GTF2IRD2B: variants seen among roughly 807,000 people sequenced by gnomAD.
GTF2IRD2B encodes GTF2I repeat domain containing 2B.
GTF2IRD2B carries 10 observed loss-of-function variants against 55.6 expected under a neutral mutation model. That is an observed-to-expected ratio of 0.18 (90% CI 0.11 to 0.31). GTF2IRD2B has a LOEUF of 0.31. GTF2IRD2B is among the 10% of genes least tolerant of loss of function. The pLI is 1.00. For synonymous variants in GTF2IRD2B, 107 were observed against 320.5 expected (o/e 0.33, Z 7.12); for missense variants, 206 against 802.7 (o/e 0.26, Z 8.98).
intron 3 of GTF2IRD2B, among the ~76,000 whole-genome samples, chr7:75,114,276 T>A (rs1808069374): frequency 6.6e-6 from 1 of 151,614 alleles, no homozygotes; most frequent in South Asian, 2.1e-4. Context: ...AATTCATTAA[T>A]GTCAGATGCC....
At chr7:75,124,166 G>A (rs1390281784) in intron 6 of GTF2IRD2B, among the ~76,000 whole-genome samples, 12 of 151,684 alleles carry the variant, frequency 7.9e-5, no homozygotes, top group Non-Finnish European at 1.0e-4. Context: ...TCAGGAGTTC[G>A]AGACCAGCCT....
At chr7:75,130,431 G>A (rs1475363433) in intron 8 of GTF2IRD2B, among the ~76,000 whole-genome samples, 14 of 111,862 alleles carry the variant, frequency 1.3e-4, no homozygotes, top group Admixed American at 5.6e-4. Context: ...CACCCTCCTC[G>A]GCCTCCCAAA....
intron 1 of GTF2IRD2B, among the ~76,000 whole-genome samples, chr7:75,096,852 C>T (rs1373573903): frequency 7.1e-6 from 1 of 140,992 alleles, no homozygotes; most frequent in African/African-American, 2.8e-5. Flanking sequence ...AAAACCAAGC[C>T]CTGCGGCTCA....
At chr7:75,145,984 G>A (rs2529329) in intron 15 of GTF2IRD2B, among the ~76,000 whole-genome samples, 39,474 of 73,202 alleles carry the variant, frequency 0.54, 10,521 homozygotes, top group East Asian at 0.83. Context: ...TTCACCTCCC[G>A]AGTAACTGGG....
intron 4 of GTF2IRD2B, 63 bp downstream of exon 4, chr7:75,121,073 GCCAC>G: frequency 6.7e-7 from 1 of 1,495,026 alleles, no homozygotes; most frequent in Non-Finnish European, 9.0e-7. Flanking sequence ...GTCTTGCTCT[GCCAC>G]CCAGGCTAGA....
Position 75,149,535 on chromosome 7 carries a change from C to T in GTF2IRD2B, c.*238C>T, listed in dbSNP as rs1809266192. The T allele has an allele frequency of 5.9e-6, 3 of 512,676 alleles. No homozygotes were observed. The highest frequency in any genetic ancestry group is 3.2e-5 in the Admixed American group (1 of 31,014). 31.8% of individuals were successfully genotyped at this position (512,676 alleles called of 1,614,324 possible). A position where few individuals can be genotyped will look rare whatever the true frequency, so the allele number is the denominator to read the frequency against. On this transcript the variant is annotated 3_prime_UTR_variant, in exon 16 of 16. Transcript: ENST00000472837. ...AGCTGGGACTACAGGCATGCGCCAC[C>T]ATGCCCGGCTAATTTTTGTATTAGT...
At chr7:75,097,652 G>A (rs1807425885) in intron 1 of GTF2IRD2B, among the ~76,000 whole-genome samples, 1 of 144,844 alleles carries the variant, frequency 6.9e-6, no homozygotes, top group South Asian at 2.2e-4. Context: ...TTGGCTTTGG[G>A]GACATGGGGT....
intron 1 of GTF2IRD2B, among the ~76,000 whole-genome samples, chr7:75,103,233 C>T (rs1161160186): frequency 2.0e-5 from 3 of 151,944 alleles, no homozygotes; most frequent in African/African-American, 4.8e-5. Flanking sequence ...GAGCCGAGAT[C>T]GCACCACTGC....
intron 1 of GTF2IRD2B, among the ~76,000 whole-genome samples, chr7:75,106,430 C>T (rs1282625723): frequency 3.1e-4 from 47 of 151,226 alleles, no homozygotes; most frequent in African/African-American, 1.0e-3. Context: ...CTTCCGCATG[C>T]ACACTCATGT....
intron 8 of GTF2IRD2B, among the ~76,000 whole-genome samples, chr7:75,126,864 G>A (rs1235818693): frequency 7.3e-5 from 11 of 150,500 alleles, no homozygotes; most frequent in South Asian, 2.1e-4. Context: ...GGGCATGGTC[G>A]TGTGCGCCTG....
Position 75,092,861 on chromosome 7 carries a change from A to AGGCCGCCC in GTF2IRD2B, c.-6+103_-6+110dup, listed in dbSNP as rs1807292574. ...CTCCTCCTGAGGGCCTGGGGAAGGG[A>AGGCCGCCC]GGCCGCCCGGCCGCAGCGGGAGGTG... On this transcript the variant is annotated intron_variant, in intron 1 of 15. Coordinates refer to ENST00000472837, the MANE Select transcript of GTF2IRD2B (RefSeq NM_001003795.3). The AGGCCGCCC allele has an allele frequency of 2.0e-5, 3 of 152,902 alleles. No individual in the cohort carries two copies. The East Asian group carries it at 5.8e-4, about 29-fold the overall frequency. The allele number at this position is 152,902 out of a possible 1,614,324, so 9.5% of individuals were successfully genotyped here. A position where few individuals can be genotyped will look rare whatever the true frequency, so the allele number is the denominator to read the frequency against.
intron 1 of GTF2IRD2B, among the ~76,000 whole-genome samples, 170 bp downstream of exon 1, chr7:75,092,935 G>A (rs1399376850): frequency 2.0e-5 from 3 of 151,632 alleles, no homozygotes; most frequent in African/African-American, 4.8e-5. Flanking sequence ...CCCGAACCCC[G>A]ATCCCTGCTG....
intron 11 of GTF2IRD2B, among the ~76,000 whole-genome samples, chr7:75,137,213 A>AG (rs1808869017): frequency 6.6e-6 from 1 of 151,250 alleles, no homozygotes; most frequent in Admixed American, 6.6e-5. Flanking sequence ...AAAAAAAAAA[A>AG]AAAAAAATTG....
In GTF2IRD2B at chr7:75,122,785, C is replaced by T. The variant is rs1275558720; in HGVS notation, c.359-351C>T. ...AAAAACTAGGCTGGGCTCAGTGGCT[C>T]GCCTGTTATCCTAGCACTTTGGCAG... On this transcript the variant is annotated intron_variant, in intron 4 of 15. Coordinates refer to ENST00000472837, the MANE Select transcript of GTF2IRD2B (RefSeq NM_001003795.3). Among the ~76,000 whole-genome samples, 6 of 147,354 alleles carry T rather than the reference C, an allele frequency of 4.1e-5. 2 individuals are homozygous for T. Among genetic ancestry groups the T allele is most frequent in the Non-Finnish European group, 9.0e-5 (6 of 66,644 alleles).
rs1243907524 is a variant in GTF2IRD2B, at chr7:75,101,893, CAAAAAA to C, written c.-5-7052_-5-7047del. ...TGGGAGACAGAGCAAGACCCCATCT[CAAAAAA>C]AAAAAAAAAAAAAAGAAAATTAAAA... On this transcript the variant is annotated intron_variant, in intron 1 of 15. Coordinates refer to ENST00000472837, the MANE Select transcript of GTF2IRD2B (RefSeq NM_001003795.3). Among the ~76,000 whole-genome samples, 14 of 78,420 alleles carry C rather than the reference CAAAAAA, an allele frequency of 1.8e-4. 1 individual carries two copies. The highest frequency in any genetic ancestry group is 0.01 in the Middle Eastern group (1 of 100). 51.4% of individuals were successfully genotyped at this position (78,420 alleles called of 152,430 possible). A position where few individuals can be genotyped will look rare whatever the true frequency, so the allele number is the denominator to read the frequency against.
intron 4 of GTF2IRD2B, among the ~76,000 whole-genome samples, chr7:75,122,910 C>T (rs1584538419): frequency 6.7e-6 from 1 of 150,060 alleles, no homozygotes; most frequent in Non-Finnish European, 1.5e-5. Flanking sequence ...ATTAGCTGGG[C>T]ATGGTGGTGT....
At chr7:75,115,628 T>G in intron 3 of GTF2IRD2B, among the ~76,000 whole-genome samples, 1 of 141,050 alleles carries the variant, frequency 7.1e-6, no homozygotes, top group Non-Finnish European at 1.5e-5. Context: ...TGAGATAGGG[T>G]TTCACCATGT....
intron 8 of GTF2IRD2B, among the ~76,000 whole-genome samples, chr7:75,127,561 A>G (rs1257652309): frequency 6.7e-6 from 1 of 149,332 alleles, no homozygotes; most frequent in Non-Finnish European, 1.5e-5. Flanking sequence ...TATTAAATAC[A>G]CATACTTTTG....
chr7:75,113,590 C>T (rs1808035413), intron 3 of GTF2IRD2B, among the ~76,000 whole-genome samples: 1 of 145,946 alleles, frequency 6.9e-6, no homozygotes, highest in Non-Finnish European at 1.5e-5. Flanking sequence ...GTGATCACAC[C>T]ACTGCACTCC....
Sources: gnomAD v4.1 joint callset for allele counts (sites outside exome capture counted in the v4.1 genomes callset) on GRCh38, gnomAD v4.1.1 for gene constraint, MANE v1.5 for transcripts, NCBI Gene and HGNC (gene_info 2026-07-23, HGNC 2026-07-21) for gene names.